CENPF: variants seen among roughly 807,000 people sequenced by gnomAD.
CENPF encodes AH antigen.
Under a neutral mutation model 307.3 loss-of-function variants are expected in CENPF, and 214 were observed. The ratio of observed to expected loss-of-function variants is 0.70; its 90% CI spans 0.62 to 0.78. CENPF has a LOEUF of 0.78. CENPF is among the 30% of genes least tolerant of loss of function. CENPF has a pLI of 0.00. For synonymous variants in CENPF, 1,259 were observed against 1,270.6 expected, an observed-to-expected ratio of 0.99 and a Z score of 0.19; for missense variants, 3,401 against 3,483.9, an observed-to-expected ratio of 0.98 and a Z score of 0.60.
chr1:214,652,257 G>T (rs566775718), intron 15 of CENPF, among the ~76,000 whole-genome samples: 2 of 151,014 alleles, frequency 1.3e-5, no homozygotes, highest in Non-Finnish European at 2.9e-5. Context: ...GGATGGTCTC[G>T]ATCTCCTGAT....
rs775546136 is a variant in CENPF, at chr1:214,645,759, A to G, written c.6189A>G (p.Lys2063=). ...AAAACCAAATTGCACAACTGAATAA[A>G]GAGAAAGAATTGCTTGTCAAGGAAT... is the stretch of plus-strand genomic sequence containing the variant. The part of the protein sequence containing the change: ...ELENQIAQLN[K]EKELLVKESE... The change falls in exon 13 of 20, where the codon AAA becomes AAG. Residue 2063 remains lysine (K), a synonymous_variant. Transcript: ENST00000366955. 1 of 1,614,208 alleles carries G rather than the reference A, an allele frequency of 6.2e-7. No homozygotes were observed. Among genetic ancestry groups the G allele is most frequent in the South Asian group, 1.1e-5 (1 of 91,084 alleles).
At chr1:214,624,338 G>C (rs1222877883) in intron 7 of CENPF, among the ~76,000 whole-genome samples, 1 of 151,936 alleles carries the variant, frequency 6.6e-6, no homozygotes, top group South Asian at 2.1e-4. Context: ...GAAAGAGACT[G>C]TGTAGAATTT....
intron 7 of CENPF, among the ~76,000 whole-genome samples, chr1:214,627,978 A>G (rs1657701392): frequency 1.3e-5 from 2 of 152,218 alleles, no homozygotes; most frequent in African/African-American, 2.4e-5. Flanking sequence ...GTTGTGAGAT[A>G]CAAGGCTTGA....
At chr1:214,608,696 C>G in intron 1 of CENPF, 1 of 1,594,590 alleles carries the variant, frequency 6.3e-7, no homozygotes, top group Non-Finnish European at 8.5e-7. Flanking sequence ...GGGGCGGCCC[C>G]GGCCCCACCA....
At chr1:214,651,658 G>C in intron 14 of CENPF, 52 bp from the exon 15 acceptor site, 2 of 1,353,296 alleles carry the variant, frequency 1.5e-6, no homozygotes, top group South Asian at 2.9e-5. Flanking sequence ...AATATTTCCA[G>C]GTTCTTAATT....
chr1:214,653,993 A>G (rs1658559689), intron 16 of CENPF: 1 of 152,208 alleles, frequency 6.6e-6, no homozygotes, highest in Non-Finnish European at 1.5e-5. Context: ...AAGATGAAAT[A>G]TACAAAGATG....
At chr1:214,643,374 A>G in intron 12 of CENPF, 50 bp downstream of exon 12, 3 of 1,372,530 alleles carry the variant, frequency 2.2e-6, no homozygotes, top group Non-Finnish European at 2.9e-6. Flanking sequence ...TGACTAGTGG[A>G]CACTCAGTAA....
intron 1 of CENPF, among the ~76,000 whole-genome samples, chr1:214,609,030 C>T (rs1431620890): frequency 6.6e-6 from 1 of 151,770 alleles, no homozygotes; most frequent in Non-Finnish European, 1.5e-5. Context: ...CAAGCCGAGC[C>T]CCAGGGAGCC....
At chr1:214,630,483 T>C (rs755286480) in intron 8 of CENPF, 51 bp from the exon 9 acceptor site, 4 of 1,606,672 alleles carry the variant, frequency 2.5e-6, no homozygotes, top group Non-Finnish European at 3.4e-6. Flanking sequence ...CACCCTGGAG[T>C]CTCCCTAGCG....
Position 214,646,701 on chromosome 1 carries a change from C to T in CENPF, c.7131C>T (p.Thr2377=). ...ETLKAKIEGM[T]QSLRGLELDV... ...TAAAAGCAAAAATAGAAGGGATGAC[C>T]CAAAGTCTGAGAGGTCTGGAATTAG... The change falls in exon 13 of 20, where the codon ACC becomes ACT. Residue 2377 remains threonine (T), a synonymous_variant. Transcript: ENST00000366955. The T allele has an allele frequency of 6.2e-7, 1 of 1,613,742 alleles. No individual in the cohort carries two copies. Among genetic ancestry groups the T allele is most frequent in the Non-Finnish European group, 8.5e-7 (1 of 1,179,938 alleles).
intron 15 of CENPF, among the ~76,000 whole-genome samples, chr1:214,652,158 C>A (rs1267871044): frequency 6.7e-6 from 1 of 149,814 alleles, no homozygotes; most frequent in African/African-American, 2.5e-5. Flanking sequence ...ACCTCAGCCT[C>A]CCGAGTAGCT....
At chr1:214,623,262 A>G (rs1657565497) in intron 7 of CENPF, among the ~76,000 whole-genome samples, 1 of 152,232 alleles carries the variant, frequency 6.6e-6, no homozygotes, top group African/African-American at 2.4e-5. Flanking sequence ...TTTCCTTGTC[A>G]TTATTTCCTA....
rs1452362445 is a variant in CENPF at position 214,642,938 on chromosome 1, G to C, written c.4600G>C (p.Glu1534Gln). The C allele has an allele frequency of 1.2e-6, 2 of 1,613,870 alleles. No individual in the cohort carries two copies. Among genetic ancestry groups the C allele is most frequent in the Admixed American group, 1.7e-5 (1 of 59,986 alleles). Residue 1534 changes from glutamate to glutamine, a missense_variant, in exon 12 of 20, where the codon GAG becomes CAG. By Grantham distance (29) the Glu-to-Gln change is conservative (BLOSUM62 2). Transcript: ENST00000366955. Reference protein sequence around the residue: ...DEVFCSSLQEENLTRKETPSA... With the variant: ...DEVFCSSLQEQNLTRKETPSA... ...AGTATTTTGCAGCAGTCTGCAGGAG[G>C]AGAATCTGACCAGGAAAGAAACCCC...
chr1:214,645,569 A>T lies in CENPF; in HGVS notation c.5999A>T (p.His2000Leu). ...GAGTCTCATCAAAGTGAGTGTCTCCATTGCATTCAGGTGGCAGAGGCAGAG... is the reference window on the plus strand; with the variant it reads ...GAGTCTCATCAAAGTGAGTGTCTCCTTTGCATTCAGGTGGCAGAGGCAGAG... The part of the protein sequence containing the change: ...ELESHQSECL[H>L]CIQVAEAEVK... The change falls in exon 13 of 20, where the codon CAT becomes CTT. Residue 2000 changes from histidine to leucine, a missense_variant. Physicochemically the swap from His to Leu is moderately conservative, Grantham distance 99 (BLOSUM62 -3). Coordinates refer to ENST00000366955, the MANE Select transcript of CENPF (RefSeq NM_016343.4). 4 of 1,614,170 alleles carry T rather than the reference A, an allele frequency of 2.5e-6. No individual in the cohort carries two copies. Among genetic ancestry groups the T allele is most frequent in the Non-Finnish European group, 2.5e-6 (3 of 1,180,016 alleles).
chr1:214,657,489 A>ACT, intron 18 of CENPF, 80 bp downstream of exon 18: 1 of 1,104,658 alleles, frequency 9.1e-7, no homozygotes, highest in Non-Finnish European at 1.3e-6. Flanking sequence ...AGACAAAAGT[A>ACT]TTTGCTTTTT....
intron 7 of CENPF, among the ~76,000 whole-genome samples, chr1:214,624,921 T>C (rs1201902103): frequency 1.3e-5 from 2 of 152,184 alleles, no homozygotes; most frequent in Admixed American, 1.3e-4. Flanking sequence ...TGTTTCTCCT[T>C]TGATTTCTTC....
chr1:214,654,129 A>G (rs1658565102), intron 16 of CENPF: 1 of 151,862 alleles, frequency 6.6e-6, no homozygotes, highest in South Asian at 2.1e-4. Context: ...ATGATGCCAT[A>G]TCAGATGGTT....
chr1:214,604,979 G>A (rs2102520748), intron 1 of CENPF, among the ~76,000 whole-genome samples: 1 of 151,772 alleles, frequency 6.6e-6, no homozygotes, highest in African/African-American at 2.4e-5. Context: ...ACTGCTTATT[G>A]TTTTGATAAA....
rs748589576 is a variant in CENPF at position 214,658,969 on chromosome 1, G to A, written c.9082G>A (p.Gly3028Ser). The change falls in exon 19 of 20, where the codon GGC becomes AGC. Residue 3028 changes from glycine (G) to serine (S), a missense_variant. Physicochemically the swap from Gly to Ser is moderately conservative, Grantham distance 56 (BLOSUM62 0). Transcript: ENST00000366955. ...QKLALSPLSL[G>S]KENLAESSKP... is the part of the protein sequence containing the mutation. ...GTTAGCGCTATCCCCACTGAGTCTC[G>A]GCAAAGAAAATCTTGCAGAGTCCTC... 9.3e-6 allele frequency: 15 copies of A among 1,613,992 alleles called. No homozygotes were observed. Among genetic ancestry groups the A allele is most frequent in the East Asian group, 8.9e-5 (4 of 44,880 alleles).
Sources: gnomAD v4.1 joint callset for allele counts (sites outside exome capture counted in the v4.1 genomes callset) on GRCh38, gnomAD v4.1.1 for gene constraint, MANE v1.5 for transcripts, NCBI Gene and HGNC (gene_info 2026-07-23, HGNC 2026-07-21) for gene names.